The following NXN variants were observed in gnomAD, a reference collection of about 807,000 sequenced individuals.
The protein encoded by NXN is nucleoredoxin.
A neutral mutation model predicts 48.6 loss-of-function variants in NXN; 16 were observed. The observed-to-expected ratio is 0.33, with a 90% CI of 0.22 to 0.50. The LOEUF (loss-of-function observed/expected upper bound fraction) is 0.50, where lower values mean the gene tolerates loss of function less well. Among genes scored for constraint, NXN ranks in the 20% least tolerant of loss-of-function variants. NXN has a pLI of 0.98. For missense variants in NXN, 492 were observed against 605.5 expected (o/e 0.81, Z 1.97); for synonymous variants, 281 against 269.6 (o/e 1.04, Z -0.41).
At chr17:872,238 C>T (rs1219402991) in intron 1 of NXN, among the ~76,000 whole-genome samples, 3 of 139,998 alleles carry the variant, frequency 2.1e-5, no homozygotes, top group Non-Finnish European at 4.6e-5. Flanking sequence ...GAGAGAGAGA[C>T]GGAGGGAGGG....
chr17:896,994 C>A, intron 1 of NXN: 1 of 1,155,632 alleles, frequency 8.7e-7, no homozygotes, highest in Non-Finnish European at 1.1e-6. Flanking sequence ...GTCCCCGCGG[C>A]AGATACACGG....
chr17:967,679 T>C (rs1261150341), intron 1 of NXN, among the ~76,000 whole-genome samples: 1 of 152,214 alleles, frequency 6.6e-6, no homozygotes, highest in Non-Finnish European at 1.5e-5. Flanking sequence ...CCAAATGTAA[T>C]GGGCAAATTT....
At chr17:833,066 AT>A (rs1217478243) in intron 1 of NXN, among the ~76,000 whole-genome samples, 3 of 151,342 alleles carry the variant, frequency 2.0e-5, no homozygotes, top group African/African-American at 7.3e-5. Flanking sequence ...AATTTTTTGT[AT>A]TTTTTAGTAG....
chr17:851,498 A>G (rs1183782107), intron 1 of NXN, among the ~76,000 whole-genome samples: 2 of 152,246 alleles, frequency 1.3e-5, no homozygotes, highest in African/African-American at 4.8e-5. Flanking sequence ...AAAGTCAGCC[A>G]GGCTGGGAAC....
Position 822,404 on chromosome 17 carries a change from G to A in NXN, c.666C>T (p.Ile222=). ...TCTCGAAGTTCTGGCCTGCCTCCTT[G>A]ATCTTCCGGTAGGATTCCACCAGGA... ...TRVLVESYRK[I]KEAGQNFEII... is the part of the protein sequence containing the mutation. The change falls in exon 4 of 8, where the codon ATC becomes ATT. Residue 222 remains isoleucine, a synonymous_variant. Transcript: ENST00000336868. 6.2e-7 allele frequency: 1 copy of A among 1,614,102 alleles called. No individual in the cohort carries two copies. The highest frequency in any genetic ancestry group is 8.5e-7 in the Non-Finnish European group (1 of 1,179,998).
intron 1 of NXN, among the ~76,000 whole-genome samples, chr17:878,526 G>A: frequency 6.9e-6 from 1 of 144,692 alleles, no homozygotes; most frequent in South Asian, 2.3e-4. Flanking sequence ...TTTGGGGGCA[G>A]GGGAGGGGGT....
At chr17:889,882 CT>C (rs1404875131) in intron 1 of NXN, among the ~76,000 whole-genome samples, 2 of 152,124 alleles carry the variant, frequency 1.3e-5, no homozygotes, top group African/African-American at 4.8e-5. Context: ...ATTTCGGAGC[CT>C]GGTGAAAAGC....
At chr17:910,352 T>C (rs1487128225) in intron 1 of NXN, among the ~76,000 whole-genome samples, 14 of 149,640 alleles carry the variant, frequency 9.4e-5, no homozygotes, top group East Asian at 2.0e-4. Context: ...GCGGAGGTTG[T>C]GGTGAGCCGA....
intron 1 of NXN, among the ~76,000 whole-genome samples, chr17:891,076 TGTCCGTCCATCC>T (rs142129777): frequency 0.11 from 16,231 of 151,976 alleles, 1,178 homozygotes; most frequent in South Asian, 0.22. Context: ...CCCATCCGTC[TGTCCGTCCATCC>T]GTCCGTCCAT....
At chr17:869,273 C>T (rs906901255) in intron 1 of NXN, among the ~76,000 whole-genome samples, 11 of 152,146 alleles carry the variant, frequency 7.2e-5, no homozygotes, top group African/African-American at 9.7e-5. Flanking sequence ...AAGGCCAGCA[C>T]GGCTTAAGAG....
intron 1 of NXN, among the ~76,000 whole-genome samples, chr17:953,274 G>A (rs1378308434): frequency 2.6e-5 from 4 of 152,140 alleles, no homozygotes; most frequent in Non-Finnish European, 4.4e-5. Flanking sequence ...AATTAGCCAG[G>A]CATGGTGGCT....
intron 1 of NXN, among the ~76,000 whole-genome samples, chr17:976,157 T>C (rs1383998265): frequency 6.6e-6 from 1 of 151,566 alleles, no homozygotes; most frequent in Non-Finnish European, 1.5e-5. Context: ...CAGGACAATT[T>C]TGTATAAAGA....
At chr17:911,864 C>T (rs1340898872) in intron 1 of NXN, among the ~76,000 whole-genome samples, 18 of 151,864 alleles carry the variant, frequency 1.2e-4, no homozygotes, top group African/African-American at 4.1e-4. Context: ...AGTCTTTCTC[C>T]CTCCCCAGAT....
At chr17:837,041 C>T (rs1434790853) in intron 1 of NXN, among the ~76,000 whole-genome samples, 1 of 149,564 alleles carries the variant, frequency 6.7e-6, no homozygotes, top group African/African-American at 2.5e-5. Flanking sequence ...AGCAGTGACA[C>T]AATCATAGCT....
At chr17:948,713 C>T (rs879484953) in intron 1 of NXN, among the ~76,000 whole-genome samples, 22 of 151,846 alleles carry the variant, frequency 1.4e-4, no homozygotes, top group Non-Finnish European at 2.1e-4. Context: ...CACCCCGGCC[C>T]GTCCCGCCCC....
At chr17:890,855 T>C (rs146130931) in intron 1 of NXN, among the ~76,000 whole-genome samples, 60 of 152,262 alleles carry the variant, frequency 3.9e-4, no homozygotes, top group African/African-American at 1.4e-3. Flanking sequence ...CCCAGGCCTA[T>C]CAGGGGGATA....
At position 883,865 on chromosome 17, in the gene NXN, G is replaced by A. The variant is rs543862435; in HGVS notation, c.361-57787C>T. 1.5e-4 allele frequency among the ~76,000 whole-genome samples: 23 copies of A among 152,364 alleles called. No individual in the cohort carries two copies. In the East Asian group the frequency reaches 4.2e-3, roughly 28 times the overall value. ...CAGGCAGGCGGATGACCTGAGGTCA[G>A]GAGTTTAAGGCCAGCCTGAGCAACA... On this transcript the variant is annotated intron_variant, in intron 1 of 7. Transcript: ENST00000336868.
intron 1 of NXN, among the ~76,000 whole-genome samples, chr17:970,807 A>C (rs142292251): frequency 6.2e-4 from 95 of 152,310 alleles, no homozygotes; most frequent in African/African-American, 2.0e-3. Flanking sequence ...AAAAGTTAAA[A>C]CGGTGAATAT....
intron 1 of NXN, among the ~76,000 whole-genome samples, chr17:844,203 C>T (rs990947532): frequency 1.3e-5 from 2 of 150,566 alleles, no homozygotes; most frequent in African/African-American, 4.9e-5. Flanking sequence ...CATCCTACGT[C>T]CCATCCTGCC....
Sources: allele counts gnomAD v4.1 joint callset (sites outside exome capture counted in the v4.1 genomes callset), GRCh38; gene constraint gnomAD v4.1.1; transcripts MANE v1.5; gene names NCBI Gene and HGNC (gene_info 2026-07-23, HGNC 2026-07-21).